Variants in PALM2AKAP2 observed in about 807,000 individuals in gnomAD.
The protein encoded by PALM2AKAP2 is PALM2 and AKAP2 fusion.
In PALM2AKAP2, 37 loss-of-function variants were observed where a neutral mutation model predicts 71.5. The observed-to-expected ratio is 0.52, with a 90% confidence interval of 0.40 to 0.68. PALM2AKAP2 has a LOEUF of 0.68. Among genes scored for constraint, PALM2AKAP2 ranks in the 30% least tolerant of loss-of-function variants. The pLI, the probability that PALM2AKAP2 is intolerant of heterozygous loss-of-function variation, is 0.00. For synonymous variants in PALM2AKAP2, 468 were observed against 478.8 expected (o/e 0.98, Z 0.29); for missense variants, 1,224 against 1,191.8 (o/e 1.03, Z -0.40).
chr9:109,706,783 C>A lies in PALM2AKAP2; in HGVS notation c.5+65917C>A, dbSNP rs529086726. Among the ~76,000 whole-genome samples the A allele has an allele frequency of 2.0e-5, 3 of 152,278 alleles. No individual in the cohort carries two copies. The South Asian group carries it at 6.2e-4, about 32-fold the overall frequency. On this transcript the variant is annotated intron_variant, in intron 1 of 6. Coordinates refer to the PALM2AKAP2 transcript ENST00000374531. ...ACCTGGATGCACCTTAACAAACACG[C>A]TAAATGAAAGAAGCAAGTCACAAAA...
chr9:109,709,721 G>A (rs1045869679), intron 1 of PALM2AKAP2, among the ~76,000 whole-genome samples: 5 of 152,144 alleles, frequency 3.3e-5, no homozygotes, highest in African/African-American at 1.2e-4. Context: ...ACAGGCATCA[G>A]GGAATGCACC....
chr9:109,684,001 C>A (rs1412876779), intron 1 of PALM2AKAP2, among the ~76,000 whole-genome samples: 2 of 151,994 alleles, frequency 1.3e-5, no homozygotes, highest in Admixed American at 1.3e-4. Flanking sequence ...TAGCATGGGT[C>A]CTGGAACACA....
intron 6 of PALM2AKAP2, among the ~76,000 whole-genome samples, chr9:109,937,515 T>TTAAAA (rs913765095): frequency 9.7e-4 from 148 of 152,232 alleles, no homozygotes; most frequent in African/African-American, 3.3e-3. Flanking sequence ...AAAGAGCATA[T>TTAAAA]TAAAATAAAA....
intron 1 of PALM2AKAP2, among the ~76,000 whole-genome samples, chr9:109,783,501 G>C (rs1457579755): frequency 6.6e-6 from 1 of 152,080 alleles, no homozygotes; most frequent in African/African-American, 2.4e-5. Context: ...GTTTCGCCAT[G>C]TTGCCCAGGC....
In PALM2AKAP2 at chr9:109,784,212, C is replaced by T. The variant is rs557339853; in HGVS notation, c.45+3679C>T. Among the ~76,000 whole-genome samples, 56 of 152,278 alleles carry T rather than the reference C, an allele frequency of 3.7e-4. No homozygotes were observed. The South Asian group carries it at 4.1e-3, about 11-fold the overall frequency. ...TGAATATTGTTCATTCAGAAAGGCA[C>T]GGTGTGAAATACTTTTTGTTTTTCA... On this transcript the variant is annotated intron_variant, in intron 1 of 9. Transcript: ENST00000302798.
intron 1 of PALM2AKAP2, among the ~76,000 whole-genome samples, chr9:109,854,506 A>G (rs1397330833): frequency 2.0e-5 from 3 of 152,158 alleles, no homozygotes; most frequent in East Asian, 1.9e-4. Flanking sequence ...TACATTTTCC[A>G]TGTTAGCCTA....
At chr9:110,161,461 T>C (rs1836593300) in intron 3 of PALM2AKAP2, among the ~76,000 whole-genome samples, 1 of 152,206 alleles carries the variant, frequency 6.6e-6, no homozygotes, top group African/African-American at 2.4e-5. Context: ...TCATTTCAGT[T>C]CCTAAGTGCT....
chr9:110,111,471 A>T (rs1835250783), intron 1 of PALM2AKAP2, among the ~76,000 whole-genome samples: 1 of 152,232 alleles, frequency 6.6e-6, no homozygotes, highest in Non-Finnish European at 1.5e-5. Flanking sequence ...TGAATGGTGC[A>T]TTGCAGCATT....
intron 1 of PALM2AKAP2, among the ~76,000 whole-genome samples, chr9:110,080,359 T>C (rs1282575850): frequency 6.6e-6 from 1 of 152,140 alleles, no homozygotes; most frequent in Admixed American, 6.5e-5. Flanking sequence ...AAGAGAACTT[T>C]TGGGAGAAGA....
chr9:109,999,230 A>T (rs940916006), intron 6 of PALM2AKAP2, among the ~76,000 whole-genome samples: 25 of 152,060 alleles, frequency 1.6e-4, no homozygotes, highest in African/African-American at 6.0e-4. Flanking sequence ...TCCCAGCTAC[A>T]TGGGAGGCTG....
chr9:109,665,867 C>T (rs988484314), intron 1 of PALM2AKAP2, among the ~76,000 whole-genome samples: 14 of 152,356 alleles, frequency 9.2e-5, no homozygotes, highest in African/African-American at 2.9e-4. Flanking sequence ...TTCCCTGCTG[C>T]TTTGTTTACC....
intron 3 of PALM2AKAP2, among the ~76,000 whole-genome samples, chr9:109,920,017 A>G (rs1361041104): frequency 2.0e-5 from 3 of 152,162 alleles, no homozygotes; most frequent in East Asian, 1.9e-4. Flanking sequence ...CACTGTGCCT[A>G]TCTATGGGTT....
intron 1 of PALM2AKAP2, among the ~76,000 whole-genome samples, chr9:110,080,286 G>A (rs1483360563): frequency 6.6e-6 from 1 of 152,156 alleles, no homozygotes; most frequent in Non-Finnish European, 1.5e-5. Context: ...ACCAATGATA[G>A]TGATGGAAAT....
chr9:109,814,793 CAG>C (rs1827811333), intron 1 of PALM2AKAP2, among the ~76,000 whole-genome samples: 5 of 152,300 alleles, frequency 3.3e-5, no homozygotes, highest in Admixed American at 1.3e-4. Flanking sequence ...ATTGCATAAG[CAG>C]TTCCCTGTAA....
intron 1 of PALM2AKAP2, among the ~76,000 whole-genome samples, chr9:109,840,678 A>C (rs1828633075): frequency 6.6e-6 from 1 of 152,236 alleles, no homozygotes; most frequent in Non-Finnish European, 1.5e-5. Context: ...CAAGAAAAAA[A>C]CAAACAACCC....
upstream of PALM2AKAP2, among the ~76,000 whole-genome samples, chr9:109,776,993 G>A (rs2118779060): frequency 6.6e-6 from 1 of 152,302 alleles, no homozygotes; most frequent in African/African-American, 2.4e-5. Flanking sequence ...ACATCACCCT[G>A]TAGAAATTTA....
At chr9:110,160,574 T>C (rs900414173) in intron 3 of PALM2AKAP2, among the ~76,000 whole-genome samples, 1 of 152,212 alleles carries the variant, frequency 6.6e-6, no homozygotes, top group African/African-American at 2.4e-5. Context: ...AAACTCTGAT[T>C]CATTAGTCCA....
upstream of PALM2AKAP2, among the ~76,000 whole-genome samples, chr9:109,776,609 A>G (rs191778485): frequency 1.3e-5 from 2 of 152,336 alleles, no homozygotes; most frequent in East Asian, 3.9e-4. Context: ...GATCTGGGGA[A>G]CAAGTGTCTG....
At chr9:109,729,431 C>T (rs756531265) in intron 1 of PALM2AKAP2, among the ~76,000 whole-genome samples, 1 of 152,202 alleles carries the variant, frequency 6.6e-6, no homozygotes, top group African/African-American at 2.4e-5. Flanking sequence ...TGGATCGCTT[C>T]CACAGGCAGT....
Sources: gnomAD v4.1 joint callset for allele counts (sites outside exome capture counted in the v4.1 genomes callset) on GRCh38, gnomAD v4.1.1 for gene constraint, MANE v1.5 for transcripts, NCBI Gene and HGNC (gene_info 2026-07-23, HGNC 2026-07-21) for gene names.